POT1: variants seen among roughly 807,000 people sequenced by gnomAD.
POT1 encodes protection of telomeres 1, also known as protection of telomeres protein 1.
Under a neutral mutation model 78.5 loss-of-function variants are expected in POT1, and 47 were observed. The ratio of observed to expected loss-of-function variants is 0.60; its 90% CI spans 0.47 to 0.76. POT1 has a LOEUF of 0.76. Among genes scored for constraint, POT1 ranks in the 30% least tolerant of loss-of-function variants. The pLI is 0.00. For synonymous variants in POT1, 259 were observed against 260.7 expected (o/e 0.99, Z 0.06); for missense variants, 646 against 749.9 (o/e 0.86, Z 1.62).
rs187261657 is a variant in POT1 at position 124,907,455 on chromosome 7, C to T, written c.-154+8119G>A. Among the ~76,000 whole-genome samples, 845 of 151,822 alleles carry T rather than the reference C, an allele frequency of 5.6e-3. 8 individuals are homozygous for T. The highest frequency in any genetic ancestry group is 0.024 in the Middle Eastern group (7 of 294). On this transcript the variant is annotated intron_variant, in intron 3 of 18. Transcript: ENST00000357628. ...TGCTTCACCCCCCACAAAATTAAGGCCACATACTGTATGATTCTACCTAAA... is the reference window on the plus strand; with the variant it reads ...TGCTTCACCCCCCACAAAATTAAGGTCACATACTGTATGATTCTACCTAAA...
intron 4 of POT1, among the ~76,000 whole-genome samples, 200 bp downstream of exon 4, chr7:124,898,061 G>C (rs1563011622): frequency 6.6e-6 from 1 of 151,798 alleles, no homozygotes; most frequent in African/African-American, 2.4e-5. Flanking sequence ...TAAATATAAA[G>C]GAATTCCCTA....
chr7:124,855,251 A>G (rs940071470), intron 9 of POT1, among the ~76,000 whole-genome samples: 3 of 146,082 alleles, frequency 2.1e-5, no homozygotes, highest in African/African-American at 7.5e-5. Flanking sequence ...AAACCAGAGC[A>G]GGCAGGAGCT....
At chr7:124,841,206 A>G in intron 13 of POT1, 28 bp from the exon 14 acceptor site, 1 of 1,574,780 alleles carries the variant, frequency 6.4e-7, no homozygotes, top group Non-Finnish European at 8.7e-7. Flanking sequence ...GAAATGATAG[A>G]AATCGATTTT....
chr7:124,841,264 TATC>T (rs1795022206), intron 13 of POT1, 86 bp from the exon 14 acceptor site: 2 of 1,064,420 alleles, frequency 1.9e-6, no homozygotes, highest in East Asian at 2.4e-5. Flanking sequence ...AATTAAAAAG[TATC>T]ATTCTTACAT....
chr7:124,858,831 A>G (rs927392960), intron 9 of POT1, 126 bp downstream of exon 9: 15 of 556,422 alleles, frequency 2.7e-5, no homozygotes, highest in East Asian at 2.7e-4. Flanking sequence ...TTAAAAATCA[A>G]AGAAATAAAT....
At chr7:124,855,218 C>CAAAAAAAAAAAAAAAAAAAAAAAAA (rs550056711) in intron 9 of POT1, among the ~76,000 whole-genome samples, 2 of 52,490 alleles carry the variant, frequency 3.8e-5, no homozygotes, top group Non-Finnish European at 3.4e-5. Flanking sequence ...GAGAGGAGAG[C>CAAAAAAAAAAAAAAAAAAAAAAAAA]AAAAAAAAAA....
intron 2 of POT1, among the ~76,000 whole-genome samples, chr7:124,926,425 CAAAG>C (rs1797275605): frequency 5.9e-5 from 9 of 151,836 alleles, no homozygotes; most frequent in Admixed American, 4.6e-4. Flanking sequence ...ATTAAAAAGA[CAAAG>C]AAAAAACAGA....
chr7:124,854,806 T>C (rs919566589), intron 9 of POT1, among the ~76,000 whole-genome samples: 3 of 151,930 alleles, frequency 2.0e-5, no homozygotes, highest in Non-Finnish European at 2.9e-5. Flanking sequence ...TAAAATTTTC[T>C]AGTTTTATCT....
chr7:124,888,477 T>A (rs1224680808), intron 6 of POT1, among the ~76,000 whole-genome samples: 1 of 152,168 alleles, frequency 6.6e-6, no homozygotes. Flanking sequence ...ATTTGAAGAT[T>A]GATTTTTATT....
rs139211255 is a variant in POT1, at chr7:124,900,125, T to C, written c.-153-1751A>G. ...ATAAACATGGATTTATATTTGAATA[T>C]ACATATAAAAACTGCATTGAAGGCC... On this transcript the variant is annotated intron_variant, in intron 3 of 18. Transcript: ENST00000357628. Among the ~76,000 whole-genome samples the C allele has an allele frequency of 5.0e-3, 761 of 152,292 alleles. 9 individuals carry two copies. Among genetic ancestry groups the C allele is most frequent in the African/African-American group, 0.017 (698 of 41,552 alleles).
At chr7:124,914,408 C>A (rs553913800) in intron 3 of POT1, among the ~76,000 whole-genome samples, 16 of 152,246 alleles carry the variant, frequency 1.1e-4, no homozygotes, top group African/African-American at 3.9e-4. Flanking sequence ...TGTCTTGAAT[C>A]TGCAGCTCAT....
Position 124,824,005 on chromosome 7 carries a change from CA to C in POT1, c.1861del (p.Cys621AlafsTer13). 1 of 1,606,736 alleles carries C rather than the reference CA, an allele frequency of 6.2e-7. No homozygotes were observed. The highest frequency in any genetic ancestry group is 8.5e-7 in the Non-Finnish European group (1 of 1,174,606). On this transcript the variant is annotated frameshift_variant, in exon 19 of 19. Transcript: ENST00000357628. LOFTEE classifies it high-confidence loss of function. Reference protein sequence around the residue: ...NVTNGTDNQICYQIFDTTVAE... With the variant: ...NVTNGTDNQIXYQIFDTTVAE... ...AACTGTGGTGTCAAAAATCTGATAG[CA>C]AATTTGATTATCTGTTCCATTTGTG...
At chr7:124,853,356 G>C (rs953492203) in intron 9 of POT1, 1 of 456,564 alleles carries the variant, frequency 2.2e-6, no homozygotes, top group African/African-American at 2.0e-5. Context: ...GCATATGCGT[G>C]TGTGCACACA....
At chr7:124,829,451 CAGA>C in intron 15 of POT1, 109 bp from the exon 16 acceptor site, 1 of 660,570 alleles carries the variant, frequency 1.5e-6, no homozygotes, top group South Asian at 2.1e-5. Context: ...AATTATTAAA[CAGA>C]AGAATACTGC....
intron 6 of POT1, among the ~76,000 whole-genome samples, chr7:124,877,448 C>T (rs1490835283): frequency 1.3e-5 from 2 of 151,864 alleles, no homozygotes; most frequent in East Asian, 1.9e-4. Flanking sequence ...TAATGGATCT[C>T]CCAGATAGAT....
At chr7:124,865,172 G>C (rs959364223) in intron 7 of POT1, among the ~76,000 whole-genome samples, 2 of 152,070 alleles carry the variant, frequency 1.3e-5, no homozygotes, top group African/African-American at 4.8e-5. Context: ...AGAAGTGAAA[G>C]ATGACTGGTA....
intron 11 of POT1, among the ~76,000 whole-genome samples, chr7:124,850,054 A>C (rs1188786181): frequency 6.7e-6 from 1 of 149,940 alleles, no homozygotes; most frequent in African/African-American, 2.5e-5. Flanking sequence ...TTTAAAAATA[A>C]TGAATCATTT....
At chr7:124,925,302 TATA>T (rs1250145493) in intron 2 of POT1, among the ~76,000 whole-genome samples, 1 of 152,068 alleles carries the variant, frequency 6.6e-6, no homozygotes, top group African/African-American at 2.4e-5. Context: ...GTAATGTTTC[TATA>T]CATCAATAAA....
intron 5 of POT1, among the ~76,000 whole-genome samples, chr7:124,895,174 T>C (rs1796463026): frequency 1.3e-5 from 2 of 151,642 alleles, no homozygotes; most frequent in Admixed American, 1.3e-4. Context: ...ATATGACTAG[T>C]GCAAATCATG....
Sources: allele counts gnomAD v4.1 joint callset (sites outside exome capture counted in the v4.1 genomes callset), GRCh38; gene constraint gnomAD v4.1.1; transcripts MANE v1.5; gene names NCBI Gene and HGNC (gene_info 2026-07-23, HGNC 2026-07-21).